QPCT: variants seen among roughly 807,000 people sequenced by gnomAD.
QPCT encodes glutaminyl-peptide cyclotransferase, also known as EC.
A neutral mutation model predicts 43.4 loss-of-function variants in QPCT; 44 were observed. That is an observed-to-expected ratio of 1.01 (90% CI 0.80 to 1.30). The LOEUF (loss-of-function observed/expected upper bound fraction) is 1.30, where lower values mean the gene tolerates loss of function less well. Ranked by LOEUF, QPCT falls within the 50% of genes most tolerant of loss-of-function variation. QPCT has a pLI of 0.00. For missense variants in QPCT, 526 were observed against 436.5 expected (o/e 1.21, Z -1.83); for synonymous variants, 168 against 168.4 (o/e 1.00, Z 0.02).
rs1673072959 is a variant in QPCT at position 37,371,468 on chromosome 2, C to T, written c.824-888C>T. On this transcript the variant is annotated intron_variant, in intron 5 of 6. Coordinates refer to ENST00000338415, the MANE Select transcript of QPCT (RefSeq NM_012413.4). Reference sequence around the variant, plus strand: ...AAAAAAAAAAGAAAAAGTTGTGTCTCATGGTAAAGGAATTATAAGTATCAA... The same window carrying T: ...AAAAAAAAAAGAAAAAGTTGTGTCTTATGGTAAAGGAATTATAAGTATCAA... 3.4e-5 allele frequency among the ~76,000 whole-genome samples: 5 copies of T among 147,044 alleles called. No individual in the cohort carries two copies. In the South Asian group the frequency reaches 1.1e-3, roughly 32 times the overall value.
chr2:37,368,522 G>GC (rs1673009136), intron 4 of QPCT: 1 of 463,380 alleles, frequency 2.2e-6, no homozygotes, highest in Admixed American at 2.4e-5. Flanking sequence ...CCTATCCATT[G>GC]CCCTATCACT....
intron 3 of QPCT, among the ~76,000 whole-genome samples, chr2:37,363,459 CAAAAAA>C (rs760030748): frequency 8.4e-5 from 4 of 47,834 alleles, no homozygotes; most frequent in Admixed American, 2.1e-4. Flanking sequence ...TCCCTCTCTA[CAAAAAA>C]AAAAAAAAAA....
chr2:37,345,195 A>C (rs1388664216), intron 1 of QPCT, among the ~76,000 whole-genome samples: 1 of 152,054 alleles, frequency 6.6e-6, no homozygotes, highest in Non-Finnish European at 1.5e-5. Context: ...GCCACCCCCC[A>C]CTCGGGACCC....
intron 2 of QPCT, among the ~76,000 whole-genome samples, chr2:37,356,037 G>A (rs1026594595): frequency 2.6e-5 from 4 of 152,188 alleles, no homozygotes; most frequent in Admixed American, 6.5e-5. Flanking sequence ...GCATCCTGAC[G>A]ACGATGTGTT....
At chr2:37,360,360 T>C (rs1672837692) in intron 3 of QPCT, among the ~76,000 whole-genome samples, 1 of 152,204 alleles carries the variant, frequency 6.6e-6, no homozygotes, top group Non-Finnish European at 1.5e-5. Flanking sequence ...ATTGTTATTA[T>C]CTGTGAATCT....
Position 37,359,640 on chromosome 2 carries a change from T to A in QPCT, c.328T>A (p.Leu110Met). 1 of 1,614,152 alleles carries A rather than the reference T, an allele frequency of 6.2e-7. No individual in the cohort carries two copies. Among genetic ancestry groups the A allele is most frequent in the African/African-American group, 1.3e-5 (1 of 75,048 alleles). Reference sequence around the variant, plus strand: ...CTGGGTCTTGGAAATAGACACCTTCTTGAGTCAGACACCCTATGGGTACCG... The same window carrying A: ...CTGGGTCTTGGAAATAGACACCTTCATGAGTCAGACACCCTATGGGTACCG... ...ADWVLEIDTF[L>M]SQTPYGYRSF... The change falls in exon 3 of 7, where the codon TTG becomes ATG. Residue 110 changes from leucine (L) to methionine (M), a missense_variant. By Grantham distance (15) the Leu-to-Met change is conservative. Coordinates refer to ENST00000338415, the MANE Select transcript of QPCT (RefSeq NM_012413.4).
chr2:37,354,665 G>T (rs1337543197), intron 2 of QPCT, among the ~76,000 whole-genome samples: 1 of 152,140 alleles, frequency 6.6e-6, no homozygotes, highest in African/African-American at 2.4e-5. Flanking sequence ...GGAGAGTGAG[G>T]CACATACCAT....
At chr2:37,349,269 G>C (rs563363575) in intron 1 of QPCT, among the ~76,000 whole-genome samples, 1 of 152,278 alleles carries the variant, frequency 6.6e-6, no homozygotes, top group Non-Finnish European at 1.5e-5. Flanking sequence ...AGGAGGTTGA[G>C]GAGCAAACAC....
At chr2:37,355,901 T>A (rs1256391289) in intron 2 of QPCT, among the ~76,000 whole-genome samples, 6 of 152,028 alleles carry the variant, frequency 3.9e-5, no homozygotes, top group Non-Finnish European at 8.8e-5. Flanking sequence ...CGAAACTGAA[T>A]GTCATCAGGT....
chr2:37,355,367 C>T (rs918966113), intron 2 of QPCT, among the ~76,000 whole-genome samples: 3 of 151,878 alleles, frequency 2.0e-5, no homozygotes, highest in African/African-American at 4.8e-5. Flanking sequence ...TCATGTAGAA[C>T]TGAATTGAAA....
intron 1 of QPCT, among the ~76,000 whole-genome samples, chr2:37,351,236 G>A (rs576980089): frequency 3.9e-5 from 6 of 152,316 alleles, no homozygotes; most frequent in Non-Finnish European, 7.3e-5. Flanking sequence ...CCTAATTTCT[G>A]TTTTGCCTTC....
At chr2:37,352,165 T>C (rs1672635771) in intron 1 of QPCT, among the ~76,000 whole-genome samples, 1 of 152,148 alleles carries the variant, frequency 6.6e-6, no homozygotes, top group Admixed American at 6.5e-5. Flanking sequence ...AAAATTACCA[T>C]TTCAACATGT....
At chr2:37,361,278 T>C (rs1035501046) in intron 3 of QPCT, among the ~76,000 whole-genome samples, 5 of 152,188 alleles carry the variant, frequency 3.3e-5, no homozygotes, top group Non-Finnish European at 7.3e-5. Context: ...GGGTAGACGG[T>C]GGTGGAAAGT....
intron 4 of QPCT, chr2:37,368,649 AG>A (rs1375548372): frequency 4.2e-6 from 2 of 471,164 alleles, no homozygotes; most frequent in East Asian, 1.4e-4. Flanking sequence ...CTAATGGGCC[AG>A]GGGAATGTGG....
chr2:37,347,145 T>TTTTA (rs1672504596), intron 1 of QPCT, among the ~76,000 whole-genome samples: 1 of 1,738 alleles, frequency 5.8e-4, no homozygotes, highest in Non-Finnish European at 1.7e-3. Flanking sequence ...TGGGGTGTTT[T>TTTTA]ATATATATAT....
intron 4 of QPCT, chr2:37,368,462 G>A (rs1032843789): frequency 1.4e-4 from 54 of 379,204 alleles, no homozygotes; most frequent in South Asian, 1.0e-3. Context: ...CCTCCCTGAC[G>A]CTCACCCCAT....
chr2:37,350,588 G>A (rs1386796416), intron 1 of QPCT, among the ~76,000 whole-genome samples: 1 of 152,210 alleles, frequency 6.6e-6, no homozygotes, highest in Non-Finnish European at 1.5e-5. Context: ...AGACAGTGAG[G>A]CAGAGTAAAA....
intron 1 of QPCT, among the ~76,000 whole-genome samples, chr2:37,348,038 ATCTC>A (rs56107736): frequency 6.6e-6 from 1 of 150,520 alleles, no homozygotes; most frequent in Non-Finnish European, 1.5e-5. Flanking sequence ...TTTTATTTCT[ATCTC>A]TCTCTCTCTG....
chr2:37,345,729 G>C (rs1165925191), intron 1 of QPCT, among the ~76,000 whole-genome samples: 3 of 151,904 alleles, frequency 2.0e-5, no homozygotes, highest in Admixed American at 6.6e-5. Context: ...CCAGCTACTC[G>C]GGAGGCTGAG....
Sources: gnomAD v4.1 joint callset for allele counts (sites outside exome capture counted in the v4.1 genomes callset) on GRCh38, gnomAD v4.1.1 for gene constraint, MANE v1.5 for transcripts, NCBI Gene and HGNC (gene_info 2026-07-23, HGNC 2026-07-21) for gene names.